Variants in HIVEP1 observed in about 807,000 individuals in gnomAD.
The protein encoded by HIVEP1 is zinc finger protein 40.
Under a neutral mutation model 180.0 loss-of-function variants are expected in HIVEP1, and 36 were observed. The observed-to-expected ratio is 0.20, with a 90% CI of 0.15 to 0.26. The LOEUF (loss-of-function observed/expected upper bound fraction) is 0.26, where lower values mean the gene tolerates loss of function less well. HIVEP1 is among the 10% of genes least tolerant of loss of function. HIVEP1 has a pLI of 1.00. For missense variants in HIVEP1, 3,143 were observed against 3,268.7 expected, an observed-to-expected ratio of 0.96 and a Z score of 0.94; for synonymous variants, 1,239 against 1,239.0, an observed-to-expected ratio of 1.00 and a Z score of 0.00.
intron 2 of HIVEP1, among the ~76,000 whole-genome samples, chr6:12,056,067 G>A (rs1013694272): frequency 6.6e-6 from 1 of 152,154 alleles, no homozygotes; most frequent in Non-Finnish European, 1.5e-5. Context: ...TGTTCTAGGG[G>A]CCCTAGTTTT....
the HIVEP1 span, among the ~76,000 whole-genome samples, chr6:12,187,439 A>G: frequency 6.6e-6 from 1 of 152,020 alleles, no homozygotes; most frequent in Non-Finnish European, 1.5e-5. Flanking sequence ...CACCTCACCC[A>G]TCCCTTGCGT....
chr6:12,045,101 G>A (rs1310349320), intron 2 of HIVEP1, among the ~76,000 whole-genome samples: 1 of 152,232 alleles, frequency 6.6e-6, no homozygotes, highest in African/African-American at 2.4e-5. Flanking sequence ...GAAACATTGT[G>A]TGGATCTTGG....
chr6:12,184,184 A>G, the HIVEP1 span, among the ~76,000 whole-genome samples: 5 of 152,200 alleles, frequency 3.3e-5, no homozygotes, highest in African/African-American at 1.2e-4. Flanking sequence ...TTTGGCTTCA[A>G]GAGAAAATAG....
chr6:12,125,112 T>C lies in HIVEP1; in HGVS notation c.5317T>C (p.Cys1773Arg). 6.2e-7 allele frequency: 1 copy of C among 1,613,602 alleles called. No homozygotes were observed. Among genetic ancestry groups the C allele is most frequent in the Non-Finnish European group, 8.5e-7 (1 of 1,179,852 alleles). The change falls in exon 4 of 9, where the codon TGT (cysteine) becomes CGT (arginine). Residue 1773 changes from cysteine to arginine, a missense_variant. Transcript: ENST00000379388. Reference sequence around the variant, plus strand: ...GGCCAAAGATGAAAATGGAGCTGTTTGTGCAACAGACGTGAGACCTTTAGA... The same window carrying C: ...GGCCAAAGATGAAAATGGAGCTGTTCGTGCAACAGACGTGAGACCTTTAGA... The part of the protein sequence containing the change: ...KRAKDENGAV[C>R]ATDVRPLEAL...
At chr6:12,052,396 A>G (rs958520245) in intron 2 of HIVEP1, among the ~76,000 whole-genome samples, 11 of 152,242 alleles carry the variant, frequency 7.2e-5, no homozygotes, top group African/African-American at 2.7e-4. Flanking sequence ...TTAAAAAATT[A>G]ATGTTCTAAA....
intron 2 of HIVEP1, among the ~76,000 whole-genome samples, chr6:12,028,616 G>T (rs949322935): frequency 2.0e-5 from 3 of 152,172 alleles, no homozygotes; most frequent in African/African-American, 7.2e-5. Flanking sequence ...GTATTTGATG[G>T]ATATGCTCCT....
chr6:12,012,150 C>A (rs1367312745), upstream of HIVEP1: 1 of 144,916 alleles, frequency 6.9e-6, no homozygotes, highest in Non-Finnish European at 1.5e-5. Flanking sequence ...CCCGGCTGCC[C>A]GGCTCCCTGG....
intron 3 of HIVEP1, among the ~76,000 whole-genome samples, chr6:12,097,742 T>G (rs188801767): frequency 5.5e-4 from 84 of 152,256 alleles, no homozygotes; most frequent in Non-Finnish European, 8.2e-4. Context: ...TCATTGCCTT[T>G]CAGATAGACT....
chr6:12,204,987 C>A, the HIVEP1 span, among the ~76,000 whole-genome samples: 145 of 152,256 alleles, frequency 9.5e-4, no homozygotes, highest in Middle Eastern at 3.4e-3. Context: ...AGGGAACAAC[C>A]GGTGCAAAGG....
downstream of HIVEP1, among the ~76,000 whole-genome samples, chr6:12,168,313 T>TATATA (rs1562024955): frequency 2.1e-3 from 243 of 113,060 alleles, 7 homozygotes; most frequent in African/African-American, 7.7e-3. Context: ...ATACATATAT[T>TATATA]ATATACATAT....
At chr6:12,137,813 A>G (rs544876119) in intron 7 of HIVEP1, among the ~76,000 whole-genome samples, 7 of 152,242 alleles carry the variant, frequency 4.6e-5, no homozygotes, top group Admixed American at 6.5e-5. Context: ...TAAACAAATG[A>G]TCTTGTTTTA....
chr6:12,114,852 C>A (rs1581709920), intron 3 of HIVEP1, among the ~76,000 whole-genome samples: 1 of 152,152 alleles, frequency 6.6e-6, no homozygotes, highest in African/African-American at 2.4e-5. Context: ...AACTCTTGCA[C>A]AAACTACTGA....
At chr6:12,109,706 A>G (rs1774761377) in intron 3 of HIVEP1, among the ~76,000 whole-genome samples, 3 of 152,150 alleles carry the variant, frequency 2.0e-5, no homozygotes, top group African/African-American at 7.2e-5. Context: ...CCTCAAAGTC[A>G]TCCTTGAGGA....
chr6:12,109,807 T>G (rs1308542800), intron 3 of HIVEP1, among the ~76,000 whole-genome samples: 1 of 152,242 alleles, frequency 6.6e-6, no homozygotes, highest in Non-Finnish European at 1.5e-5. Flanking sequence ...TTTAGAATAG[T>G]GAATCCTTTC....
Position 12,123,457 on chromosome 6 carries a change from G to T in HIVEP1, c.3662G>T (p.Gly1221Val), listed in dbSNP as rs1757833679. 1 of 1,614,038 alleles carries T rather than the reference G, an allele frequency of 6.2e-7. No homozygotes were observed. The highest frequency in any genetic ancestry group is 1.3e-5 in the African/African-American group (1 of 74,914). ...RKSPSERHVL[G>V]QPSRLVRQHN... The stretch of plus-strand genomic sequence containing the variant: ...AGTCCAAGTGAACGACATGTGTTAG[G>T]ACAGCCCTCAAGACTTGTCCGGCAG... The change falls in exon 4 of 9, where the codon GGA (glycine) becomes GTA (valine). Residue 1221 changes from glycine to valine, a missense_variant. Coordinates refer to ENST00000379388, the MANE Select transcript of HIVEP1 (RefSeq NM_002114.4).
intron 2 of HIVEP1, among the ~76,000 whole-genome samples, chr6:12,081,679 C>A (rs947542964): frequency 3.3e-5 from 5 of 152,132 alleles, no homozygotes; most frequent in African/African-American, 1.2e-4. Context: ...TGGCTCCTCC[C>A]ACTGGGCCTA....
chr6:12,159,918 T>C (rs1226048474), intron 7 of HIVEP1, among the ~76,000 whole-genome samples: 1 of 152,216 alleles, frequency 6.6e-6, no homozygotes, highest in Admixed American at 6.5e-5. Flanking sequence ...ATCTTTTCTA[T>C]GGGTCTTCTA....
At chr6:12,179,601 G>A in the HIVEP1 span, among the ~76,000 whole-genome samples, 7 of 152,322 alleles carry the variant, frequency 4.6e-5, no homozygotes, top group East Asian at 1.9e-4. Flanking sequence ...GATGGAAGTC[G>A]TGGAACACAA....
chr6:12,110,749 C>T (rs967573354), intron 3 of HIVEP1, among the ~76,000 whole-genome samples: 1 of 152,220 alleles, frequency 6.6e-6, no homozygotes, highest in Non-Finnish European at 1.5e-5. Context: ...TGGAGTAGCA[C>T]TTTTAATTTC....
Sources: gnomAD v4.1 joint callset for allele counts (sites outside exome capture counted in the v4.1 genomes callset) on GRCh38, gnomAD v4.1.1 for gene constraint, MANE v1.5 for transcripts, NCBI Gene and HGNC (gene_info 2026-07-23, HGNC 2026-07-21) for gene names.